The following LGALS3 variants were observed in gnomAD, a reference collection of about 807,000 sequenced individuals.
LGALS3 encodes galectin 3, also known as galectin-3.
LGALS3 carries 18 observed loss-of-function variants against 20.7 expected under a neutral mutation model. The ratio of observed to expected loss-of-function variants is 0.87; its 90% CI spans 0.60 to 1.29. LGALS3 has a LOEUF of 1.29. LGALS3 is among the 50% of genes most tolerant of loss of function. The pLI is 0.00. For missense variants in LGALS3, 315 were observed against 314.7 expected (o/e 1.00, Z -0.01); for synonymous variants, 112 against 119.6 (o/e 0.94, Z 0.42).
chr14:55,132,269 C>A (rs1171238754), intron 1 of LGALS3, among the ~76,000 whole-genome samples: 2 of 152,084 alleles, frequency 1.3e-5, no homozygotes, highest in Non-Finnish European at 1.5e-5. Context: ...GGAGACCCAG[C>A]TAGTATTTCT....
chr14:55,137,461 T>A, intron 2 of LGALS3, 70 bp downstream of exon 2: 1 of 1,614,054 alleles, frequency 6.2e-7, no homozygotes, highest in East Asian at 2.2e-5. Flanking sequence ...GTTTTGTTTT[T>A]ACCATGACTT....
In LGALS3 at chr14:55,141,053, GC is replaced by G. The variant is rs1566782958; in HGVS notation, c.431+691del. ...AGGTCTTATGGACAGTACCTAAATG[GC>G]ACAAATTCAAGCCATGTACACAGGT... On this transcript the variant is annotated intron_variant, in intron 4 of 5. Transcript: ENST00000254301. 2.6e-5 allele frequency among the ~76,000 whole-genome samples: 4 copies of G among 152,130 alleles called. No individual in the cohort carries two copies. In the South Asian group the frequency reaches 8.3e-4, roughly 31 times the overall value.
rs1881173216 is a variant in LGALS3, at chr14:55,129,804, C to T, written c.-5+504C>T. On this transcript the variant is annotated intron_variant, in intron 1 of 5. Transcript: ENST00000254301. This position sits in a 1 kb window ranked among gnomAD's most constrained non-coding sequence, Gnocchi z 5.3. ...CCGTCACCCTTCCCCAGATCACGGC[C>T]GCGGGGGAGCGAAGGGACTTCCCAG... Among the ~76,000 whole-genome samples the T allele has an allele frequency of 6.6e-6, 1 of 152,328 alleles. No homozygotes were observed. The highest frequency in any genetic ancestry group is 1.9e-4 in the East Asian group (1 of 5,182).
intron 2 of LGALS3, 137 bp from the exon 3 acceptor site, chr14:55,137,908 T>C: frequency 7.5e-7 from 1 of 1,331,920 alleles, no homozygotes; most frequent in African/African-American, 1.5e-5. Context: ...TATTAATAAG[T>C]GGAAAAAGTT....
At chr14:55,140,523 T>C in intron 4 of LGALS3, 160 bp downstream of exon 4, 1 of 565,404 alleles carries the variant, frequency 1.8e-6, no homozygotes, top group South Asian at 2.2e-5. Context: ...TACCATCATA[T>C]AGGATTATCC....
At chr14:55,130,676 C>T (rs777302235) in intron 1 of LGALS3, among the ~76,000 whole-genome samples, 8 of 150,532 alleles carry the variant, frequency 5.3e-5, no homozygotes, top group Non-Finnish European at 1.0e-4. Context: ...TCTCCTGCCT[C>T]AGCCTCCCGA....
Position 55,138,278 on chromosome 14 carries a change from C to T in LGALS3, c.252C>T (p.Ser84=), listed in dbSNP as rs534898111. 24 of 1,612,556 alleles carry T rather than the reference C, an allele frequency of 1.5e-5. No homozygotes were observed. The African/African-American group carries it at 1.9e-4, about 13-fold the overall frequency. The change falls in exon 3 of 6, where the codon AGC becomes AGT. Residue 84 remains serine (S), a synonymous_variant. Transcript: ENST00000254301. The stretch of plus-strand genomic sequence containing the variant: ...CTGGAGTCTACCCAGGGCCACCCAG[C>T]GGCCCTGGGGCCTACCCATCTTCTG... ...PAPGVYPGPP[S]GPGAYPSSGQ...
intron 2 of LGALS3, chr14:55,137,737 G>A (rs1328663971): frequency 3.0e-6 from 4 of 1,334,340 alleles, no homozygotes; most frequent in East Asian, 2.8e-5. Context: ...TTTTTCTCAC[G>A]GTGATGAAAA....
At chr14:55,130,125 G>C (rs1881183197) in intron 1 of LGALS3, among the ~76,000 whole-genome samples, 1 of 152,238 alleles carries the variant, frequency 6.6e-6, no homozygotes, top group Non-Finnish European at 1.5e-5. Context: ...TGGTGGGTGT[G>C]GCAAAATGTT....
chr14:55,130,170 CACA>C (rs916667943), intron 1 of LGALS3, among the ~76,000 whole-genome samples: 4 of 152,180 alleles, frequency 2.6e-5, no homozygotes, highest in Non-Finnish European at 4.4e-5. Flanking sequence ...GGGGGGCTTT[CACA>C]ACATGTTTGA....
intron 3 of LGALS3, 66 bp downstream of exon 3, chr14:55,138,434 A>G: frequency 6.4e-7 from 1 of 1,556,260 alleles, no homozygotes; most frequent in African/African-American, 1.4e-5. Context: ...CCTGAGCTTT[A>G]AAGCTGCTGC....
chr14:55,131,031 AC>A (rs1285545671), intron 1 of LGALS3, among the ~76,000 whole-genome samples: 1 of 152,190 alleles, frequency 6.6e-6, no homozygotes, highest in African/African-American at 2.4e-5. Context: ...AGATGATCAT[AC>A]CCCATCCTTG....
In LGALS3 at chr14:55,134,939, G is replaced by C. The variant is rs183086742; in HGVS notation, c.-4-2431G>C. Among the ~76,000 whole-genome samples, 50 of 152,146 alleles carry C rather than the reference G, an allele frequency of 3.3e-4. No homozygotes were observed. The Middle Eastern group carries it at 0.01, about 31-fold the overall frequency. On this transcript the variant is annotated intron_variant, in intron 1 of 5. Transcript: ENST00000254301. ...GGATGCTGAGGTGGGAGGATCACTT[G>C]AACCCAGGAGTTTGAGACCAGCCTG... is the stretch of plus-strand genomic sequence containing the variant.
chr14:55,130,753 TGG>T (rs752557592), intron 1 of LGALS3, among the ~76,000 whole-genome samples: 3,509 of 60,908 alleles, frequency 0.058, 138 homozygotes, highest in African/African-American at 0.12. Flanking sequence ...GTGGTGGTGG[TGG>T]GGGGGGGGGG....
chr14:55,134,639 G>A (rs937009660), intron 1 of LGALS3, among the ~76,000 whole-genome samples: 6 of 152,046 alleles, frequency 3.9e-5, no homozygotes, highest in East Asian at 1.9e-4. Flanking sequence ...TTTCTTATAC[G>A]GTAGTGTGGC....
In LGALS3 at chr14:55,129,842, C is replaced by T. The variant is rs1475549930; in HGVS notation, c.-5+542C>T. Among the ~76,000 whole-genome samples, 1 of 152,218 alleles carries T rather than the reference C, an allele frequency of 6.6e-6. No individual in the cohort carries two copies. Among genetic ancestry groups the T allele is most frequent in the Non-Finnish European group, 1.5e-5 (1 of 68,034 alleles). ...AGGGACTTCCCAGGACTGCATAGGGCGCCTCCCGGGACCCACAGCTTGGCT... is the reference window on the plus strand; with the variant it reads ...AGGGACTTCCCAGGACTGCATAGGGTGCCTCCCGGGACCCACAGCTTGGCT... On this transcript the variant is annotated intron_variant, in intron 1 of 5. Coordinates refer to ENST00000254301, the MANE Select transcript of LGALS3 (RefSeq NM_002306.4). The surrounding 1 kb of genome is among the most constrained non-coding windows in gnomAD (Gnocchi z 5.3).
intron 1 of LGALS3, among the ~76,000 whole-genome samples, chr14:55,131,913 C>T (rs921877154): frequency 6.6e-6 from 1 of 152,208 alleles, no homozygotes; most frequent in Non-Finnish European, 1.5e-5. Context: ...TCCTCAAGTC[C>T]TGCTCTGTGT....
chr14:55,137,424 TCAGCTCCA>T, intron 2 of LGALS3, 33 bp downstream of exon 2: 1 of 1,614,208 alleles, frequency 6.2e-7, no homozygotes, highest in Non-Finnish European at 8.5e-7. Flanking sequence ...TTCCCCTTGA[TCAGCTCCA>T]CATGGTTGAG....
At chr14:55,143,984 A>C (rs543749760) in intron 5 of LGALS3, among the ~76,000 whole-genome samples, 5 of 149,946 alleles carry the variant, frequency 3.3e-5, no homozygotes, top group African/African-American at 1.2e-4. Flanking sequence ...AGATATTGTC[A>C]AATTGCTGCT....
Sources: allele counts gnomAD v4.1 joint callset (sites outside exome capture counted in the v4.1 genomes callset), GRCh38; gene constraint gnomAD v4.1.1; non-coding constraint Gnocchi (gnomAD v3.1); transcripts MANE v1.5; gene names NCBI Gene and HGNC (gene_info 2026-07-23, HGNC 2026-07-21).